Variants in OSBPL9 observed in about 807,000 individuals in gnomAD.
OSBPL9 encodes oxysterol binding protein like 9, also known as oxysterol-binding protein-related protein 9.
Under a neutral mutation model 106.6 loss-of-function variants are expected in OSBPL9, and 40 were observed. The ratio of observed to expected loss-of-function variants is 0.38; its 90% CI spans 0.29 to 0.49. The LOEUF (loss-of-function observed/expected upper bound fraction) is 0.49, where lower values mean the gene tolerates loss of function less well. Among genes scored for constraint, OSBPL9 ranks in the 20% least tolerant of loss-of-function variants. OSBPL9 has a pLI of 0.97. For synonymous variants in OSBPL9, 269 were observed against 295.4 expected (o/e 0.91, Z 0.92); for missense variants, 609 against 887.2 (o/e 0.69, Z 3.98).
chr1:51,677,520 T>C (rs2148788941), intron 3 of OSBPL9, among the ~76,000 whole-genome samples: 1 of 152,262 alleles, frequency 6.6e-6, no homozygotes, highest in Admixed American at 6.5e-5. Context: ...CATAAAATAA[T>C]CCTTCATTTT....
upstream of OSBPL9, among the ~76,000 whole-genome samples, chr1:51,615,201 G>A (rs1234453454): frequency 1.3e-5 from 2 of 152,148 alleles, no homozygotes; most frequent in South Asian, 2.1e-4. Context: ...GCAGTGAGCC[G>A]AGATCGTGCC....
chr1:51,726,243 C>G (rs944914818), intron 4 of OSBPL9, among the ~76,000 whole-genome samples: 4 of 152,238 alleles, frequency 2.6e-5, no homozygotes, highest in Admixed American at 6.5e-5. Context: ...ATTTGGGAGT[C>G]ATCAGTTTTC....
chr1:51,637,329 A>T (rs1645510934), intron 1 of OSBPL9, among the ~76,000 whole-genome samples: 1 of 152,164 alleles, frequency 6.6e-6, no homozygotes, highest in African/African-American at 2.4e-5. Context: ...CGTCTCTACT[A>T]AAAATACAAA....
chr1:51,617,762 G>A (rs1057110562), intron 1 of OSBPL9, among the ~76,000 whole-genome samples: 3 of 152,122 alleles, frequency 2.0e-5, no homozygotes, highest in African/African-American at 7.2e-5. Flanking sequence ...GTCGGTTCAG[G>A]TTGTGTGTCT....
chr1:51,716,492 T>C (rs1046113326), intron 4 of OSBPL9, among the ~76,000 whole-genome samples: 2 of 152,188 alleles, frequency 1.3e-5, no homozygotes, highest in African/African-American at 4.8e-5. Context: ...TAAACTAATA[T>C]TGGATGAGAA....
intron 4 of OSBPL9, among the ~76,000 whole-genome samples, chr1:51,716,506 G>T (rs1483089968): frequency 6.6e-6 from 1 of 152,180 alleles, no homozygotes; most frequent in Non-Finnish European, 1.5e-5. Flanking sequence ...ATGAGAACTG[G>T]TTGAAATAAT....
At chr1:51,635,326 T>G (rs1293020472) in intron 1 of OSBPL9, among the ~76,000 whole-genome samples, 1 of 151,930 alleles carries the variant, frequency 6.6e-6, no homozygotes, top group Non-Finnish European at 1.5e-5. Flanking sequence ...TTGGTCTCCT[T>G]TTCCTGTGAG....
chr1:51,743,538 GA>G (rs1172764675), intron 4 of OSBPL9, among the ~76,000 whole-genome samples: 2 of 152,162 alleles, frequency 1.3e-5, no homozygotes, highest in Non-Finnish European at 2.9e-5. Flanking sequence ...AATGGATTCA[GA>G]AGAGTGAAAA....
chr1:51,634,533 A>G (rs1645300986), intron 1 of OSBPL9, among the ~76,000 whole-genome samples: 1 of 152,212 alleles, frequency 6.6e-6, no homozygotes, highest in Non-Finnish European at 1.5e-5. Context: ...AACAGGAGAA[A>G]AGGTATACAA....
chr1:51,697,305 A>C (rs77809577), intron 3 of OSBPL9, among the ~76,000 whole-genome samples: 3,288 of 152,180 alleles, frequency 0.022, 67 homozygotes, highest in African/African-American at 0.056. Context: ...TTGCTCATAT[A>C]CCAAACATAG....
the OSBPL9 span, among the ~76,000 whole-genome samples, chr1:51,556,849 A>G: frequency 3.3e-5 from 5 of 149,738 alleles, no homozygotes; most frequent in East Asian, 7.8e-4. Context: ...ATATATATGT[A>G]TATATATATC....
In OSBPL9 at chr1:51,746,703, C is replaced by T; in HGVS notation, c.415-7C>T. 6.2e-7 allele frequency: 1 copy of T among 1,602,094 alleles called. No homozygotes were observed. Among genetic ancestry groups the T allele is most frequent in the East Asian group, 2.2e-5 (1 of 44,648 alleles). On this transcript the variant is annotated splice_region_variant and splice_polypyrimidine_tract_variant and intron_variant, in intron 5 of 23. Transcript: ENST00000428468. ...TGATACTATAACCATTTTTTAAAAT[C>T]TTGTAGCTTTTTGATGACAAGCTTC...
chr1:51,767,926 T>TA (rs2149091586), intron 12 of OSBPL9, among the ~76,000 whole-genome samples: 1 of 142,634 alleles, frequency 7.0e-6, no homozygotes, highest in East Asian at 2.1e-4. Context: ...AAAAGAGAAT[T>TA]AAAGACCGTC....
chr1:51,531,863 A>T, the OSBPL9 span, among the ~76,000 whole-genome samples: 1 of 152,138 alleles, frequency 6.6e-6, no homozygotes, highest in Non-Finnish European at 1.5e-5. Context: ...CAATGTTAGG[A>T]CTCAGGGAAA....
intron 13 of OSBPL9, 89 bp downstream of exon 13, chr1:51,772,271 G>A: frequency 1.9e-6 from 2 of 1,074,488 alleles, no homozygotes; most frequent in Non-Finnish European, 2.7e-6. Context: ...CAGCACTTTG[G>A]GAGACCGAGG....
intron 2 of OSBPL9, among the ~76,000 whole-genome samples, chr1:51,653,666 G>A (rs1432812143): frequency 6.6e-6 from 1 of 152,056 alleles, no homozygotes; most frequent in Non-Finnish European, 1.5e-5. Context: ...TTACCTATTT[G>A]TTTAACTTGA....
intron 14 of OSBPL9, among the ~76,000 whole-genome samples, chr1:51,775,078 G>A (rs966191705): frequency 1.3e-5 from 2 of 152,044 alleles, no homozygotes; most frequent in South Asian, 2.1e-4. Flanking sequence ...AAAGTGGTAA[G>A]AAGTTGTACC....
the OSBPL9 span, among the ~76,000 whole-genome samples, chr1:51,536,888 C>T: frequency 7.2e-5 from 11 of 152,254 alleles, no homozygotes; most frequent in South Asian, 2.1e-4. Context: ...CTTTGATCAG[C>T]GGATTAAGGT....
chr1:51,568,120 G>A, the OSBPL9 span, among the ~76,000 whole-genome samples: 53 of 152,362 alleles, frequency 3.5e-4, no homozygotes, highest in African/African-American at 1.3e-3. Context: ...TAGAAGGAGT[G>A]CTTGCCAGAG....
Sources: gnomAD v4.1 joint callset for allele counts (sites outside exome capture counted in the v4.1 genomes callset) on GRCh38, gnomAD v4.1.1 for gene constraint, MANE v1.5 for transcripts, NCBI Gene and HGNC (gene_info 2026-07-23, HGNC 2026-07-21) for gene names.